The following COL25A1 variants were observed in gnomAD, a reference collection of about 807,000 sequenced individuals.
COL25A1 encodes the protein collagen type XXV alpha 1 chain, also known as collagen alpha-1(XXV) chain.
COL25A1 carries 103 observed loss-of-function variants against 128.4 expected under a neutral mutation model. That is an observed-to-expected ratio of 0.80 (90% CI 0.68 to 0.94). The LOEUF is 0.94. COL25A1 is among the 40% of genes least tolerant of loss of function. The pLI, the probability that COL25A1 is intolerant of heterozygous loss-of-function variation, is 0.00. For synonymous variants in COL25A1, 279 were observed against 277.2 expected (o/e 1.01, Z -0.06); for missense variants, 745 against 840.0 (o/e 0.89, Z 1.40).
At chr4:109,068,518 T>C (rs189564045) in intron 3 of COL25A1, among the ~76,000 whole-genome samples, 31 of 152,170 alleles carry the variant, frequency 2.0e-4, no homozygotes, top group African/African-American at 7.2e-4. Context: ...ATTTTAAAAA[T>C]TGTCAGTTTG....
At chr4:108,887,987 C>T (rs954539801) in intron 18 of COL25A1, among the ~76,000 whole-genome samples, 12 of 152,214 alleles carry the variant, frequency 7.9e-5, no homozygotes, top group Non-Finnish European at 1.6e-4. Flanking sequence ...CTCTGTATCA[C>T]TAATTCCAAA....
chr4:109,100,927 TCTCAC>T (rs1402429480), intron 3 of COL25A1, among the ~76,000 whole-genome samples: 1 of 152,170 alleles, frequency 6.6e-6, no homozygotes, highest in Non-Finnish European at 1.5e-5. Flanking sequence ...GAAAAGGTGA[TCTCAC>T]CCAAACTCAG....
chr4:109,095,085 G>A (rs187145334), intron 3 of COL25A1, among the ~76,000 whole-genome samples: 25 of 152,234 alleles, frequency 1.6e-4, no homozygotes, highest in African/African-American at 5.5e-4. Context: ...TGTTCACTGT[G>A]AATAACGTTG....
At chr4:109,131,756 C>T (rs546521192) in intron 3 of COL25A1, among the ~76,000 whole-genome samples, 14 of 152,328 alleles carry the variant, frequency 9.2e-5, no homozygotes, top group African/African-American at 2.9e-4. Flanking sequence ...GCAAGTCCTC[C>T]TCACCTCCCC....
intron 3 of COL25A1, among the ~76,000 whole-genome samples, chr4:109,194,391 A>G (rs1024528147): frequency 4.6e-5 from 7 of 152,196 alleles, no homozygotes; most frequent in Admixed American, 3.9e-4. Context: ...TTAGCCTGTT[A>G]TCTCAATTGA....
intron 11 of COL25A1, among the ~76,000 whole-genome samples, chr4:108,921,490 C>A (rs946262019): frequency 1.3e-5 from 2 of 152,160 alleles, no homozygotes; most frequent in African/African-American, 4.8e-5. Flanking sequence ...AGACACTCAT[C>A]ATTTCATGTT....
At chr4:109,240,701 A>T (rs1779842805) in intron 3 of COL25A1, among the ~76,000 whole-genome samples, 1 of 152,074 alleles carries the variant, frequency 6.6e-6, no homozygotes, top group South Asian at 2.1e-4. Context: ...CCACTGACAG[A>T]AAGACCTGAG....
chr4:109,196,370 A>G (rs190612808), intron 3 of COL25A1, among the ~76,000 whole-genome samples: 1 of 152,300 alleles, frequency 6.6e-6, no homozygotes, highest in East Asian at 1.9e-4. Flanking sequence ...ATATAAAAAT[A>G]TCGTATGCAT....
chr4:109,277,447 T>C (rs1683586955), intron 3 of COL25A1, among the ~76,000 whole-genome samples: 1 of 151,580 alleles, frequency 6.6e-6, no homozygotes, highest in Admixed American at 6.6e-5. Flanking sequence ...AGCTGGAGAG[T>C]GGGGGAGGAA....
intron 6 of COL25A1, among the ~76,000 whole-genome samples, chr4:109,009,413 A>C (rs931701335): frequency 6.6e-6 from 1 of 152,202 alleles, no homozygotes; most frequent in Non-Finnish European, 1.5e-5. Flanking sequence ...AGTATGTGGA[A>C]TGTTTTGCTT....
At chr4:109,086,626 G>A (rs1764403804) in intron 3 of COL25A1, among the ~76,000 whole-genome samples, 1 of 152,126 alleles carries the variant, frequency 6.6e-6, no homozygotes, top group Admixed American at 6.5e-5. Context: ...TAAGTAAGTA[G>A]GACTCTTAAT....
At chr4:109,051,190 G>C (rs1701167764) in intron 3 of COL25A1, among the ~76,000 whole-genome samples, 1 of 152,108 alleles carries the variant, frequency 6.6e-6, no homozygotes, top group African/African-American at 2.4e-5. Flanking sequence ...CCAAACTTTA[G>C]AAAGTTCAAG....
At chr4:108,930,908 T>G (rs1746659547) in intron 11 of COL25A1, among the ~76,000 whole-genome samples, 1 of 152,232 alleles carries the variant, frequency 6.6e-6, no homozygotes, top group African/African-American at 2.4e-5. Context: ...AGTCTGCAAA[T>G]GTAAAGCACA....
intron 3 of COL25A1, among the ~76,000 whole-genome samples, chr4:109,150,219 G>C (rs1771370688): frequency 1.3e-5 from 2 of 152,090 alleles, no homozygotes; most frequent in Non-Finnish European, 2.9e-5. Flanking sequence ...TACTATGAAT[G>C]ATCACAGTCT....
At chr4:108,902,667 T>G (rs1333396935) in intron 13 of COL25A1, among the ~76,000 whole-genome samples, 2 of 152,022 alleles carry the variant, frequency 1.3e-5, no homozygotes, top group African/African-American at 2.4e-5. Context: ...TTTACTATTA[T>G]AGTGGATTAT....
chr4:109,042,131 A>T (rs117642281), intron 5 of COL25A1, among the ~76,000 whole-genome samples: 1 of 152,040 alleles, frequency 6.6e-6, no homozygotes, highest in East Asian at 1.9e-4. Context: ...CCCTTACTGT[A>T]GCCACTTCCA....
rs548511680 is a variant in COL25A1 at position 109,126,308 on chromosome 4, C to T, written c.368-76129G>A. On this transcript the variant is annotated intron_variant, in intron 3 of 37. Transcript: ENST00000399132. Reference sequence around the variant, plus strand: ...ATTTTGTATATAACTTCTTTTAAATCGAGACTTTCAAGGAATAAGAATGTA... The same window carrying T: ...ATTTTGTATATAACTTCTTTTAAATTGAGACTTTCAAGGAATAAGAATGTA... Among the ~76,000 whole-genome samples, 10 of 152,044 alleles carry T rather than the reference C, an allele frequency of 6.6e-5. No homozygotes were observed. In the South Asian group the frequency reaches 2.1e-3, roughly 32 times the overall value.
At chr4:109,023,262 T>C (rs913099205) in intron 5 of COL25A1, among the ~76,000 whole-genome samples, 3 of 152,218 alleles carry the variant, frequency 2.0e-5, no homozygotes, top group African/African-American at 7.2e-5. Flanking sequence ...TATACTGATA[T>C]GCCAGACATT....
At chr4:108,896,216 G>A (rs566468106) in intron 16 of COL25A1, among the ~76,000 whole-genome samples, 1 of 151,972 alleles carries the variant, frequency 6.6e-6, no homozygotes, top group South Asian at 2.1e-4. Flanking sequence ...CCAAAGTGCT[G>A]GGATTACAGG....
Sources: allele counts gnomAD v4.1 joint callset (sites outside exome capture counted in the v4.1 genomes callset), GRCh38; gene constraint gnomAD v4.1.1; transcripts MANE v1.5; gene names NCBI Gene and HGNC (gene_info 2026-07-23, HGNC 2026-07-21).